The following SGCA variants were observed in gnomAD, a reference collection of about 807,000 sequenced individuals.
SGCA encodes the protein sarcoglycan alpha.
Under a neutral mutation model 38.1 loss-of-function variants are expected in SGCA, and 34 were observed. That is an observed-to-expected ratio of 0.89 (90% CI 0.68 to 1.19). SGCA has a LOEUF of 1.19. SGCA is among the 50% of genes most tolerant of loss of function. The pLI is 0.00. For synonymous variants in SGCA, 209 were observed against 214.6 expected (o/e 0.97, Z 0.23); for missense variants, 476 against 524.9 (o/e 0.91, Z 0.91).
At chr17:50,166,157 G>C (rs759446037) in intron 1 of SGCA, 80 bp downstream of exon 1, 9 of 1,213,216 alleles carry the variant, frequency 7.4e-6, no homozygotes, top group Non-Finnish European at 1.1e-5. Flanking sequence ...GGTGTGGAGG[G>C]CCCACAGAAG....
At chr17:50,166,539 C>T (rs1904816009) in intron 1 of SGCA, among the ~76,000 whole-genome samples, 1 of 151,938 alleles carries the variant, frequency 6.6e-6, no homozygotes, top group Non-Finnish European at 1.5e-5. Flanking sequence ...AGGTGGGGGT[C>T]TCCAGGCCCA....
In SGCA at chr17:50,167,857, A is replaced by G; in HGVS notation, c.313-90A>G. Reference sequence around the variant, plus strand: ...ATTTACATATAATTTACATACCTCTAATTTGGTATCTGAGTCCTCTCCTGC... The same window carrying G: ...ATTTACATATAATTTACATACCTCTGATTTGGTATCTGAGTCCTCTCCTGC... On this transcript the variant is annotated intron_variant, in intron 3 of 9. Coordinates refer to ENST00000262018, the MANE Select transcript of SGCA (RefSeq NM_000023.4). The surrounding 1 kb of genome is among the most constrained non-coding windows in gnomAD (Gnocchi z 4.5). The G allele has an allele frequency of 6.6e-7, 1 of 1,524,174 alleles. No individual in the cohort carries two copies. Among genetic ancestry groups the G allele is most frequent in the Non-Finnish European group, 9.1e-7 (1 of 1,098,322 alleles). 94.4% of individuals were successfully genotyped at this position (1,524,174 alleles called of 1,614,324 possible).
intron 5 of SGCA, 87 bp downstream of exon 5, chr17:50,168,659 T>G: frequency 7.9e-7 from 1 of 1,267,730 alleles, no homozygotes; most frequent in African/African-American, 1.5e-5. Context: ...AATTTCCAGG[T>G]GGGGCTTTAC....
chr17:50,172,933 T>C (rs903916676), intron 8 of SGCA, among the ~76,000 whole-genome samples: 2 of 152,268 alleles, frequency 1.3e-5, no homozygotes, highest in Non-Finnish European at 2.9e-5. Context: ...TGATTTTTCA[T>C]GTACATTTCA....
At position 50,169,252 on chromosome 17, in the gene SGCA, C is replaced by G; in HGVS notation, c.745C>G (p.Leu249Val). The G allele has an allele frequency of 6.2e-7, 1 of 1,611,872 alleles. No homozygotes were observed. Among genetic ancestry groups the G allele is most frequent in the South Asian group, 1.1e-5 (1 of 91,020 alleles). ...CCGCGTTGACTGGTGCAATGTGACC[C>G]TGGTGAGGAGGGACCCTGGGTCCGG... The part of the protein sequence containing the change: ...HFRVDWCNVT[L>V]VDKSVPEPAD... The change falls in exon 6 of 10, where the codon CTG becomes GTG. Residue 249 changes from leucine to valine, a missense_variant and splice_region_variant. Coordinates refer to ENST00000262018, the MANE Select transcript of SGCA (RefSeq NM_000023.4).
chr17:50,169,203 C>G lies in SGCA; in HGVS notation c.696C>G (p.Cys232Trp). ...CAQGQPPLLSCYDTLAPHFRV... is the reference protein window; with the variant it reads ...CAQGQPPLLSWYDTLAPHFRV... ...AGGGCCAGCCTCCACTTCTGTCTTG[C>G]TACGACACCTTGGCACCCCACTTCC... Residue 232 changes from cysteine to tryptophan, a missense_variant, in exon 6 of 10, where the codon TGC becomes TGG. Coordinates refer to ENST00000262018, the MANE Select transcript of SGCA (RefSeq NM_000023.4). 6.2e-7 allele frequency: 1 copy of G among 1,614,028 alleles called. No homozygotes were observed. Among genetic ancestry groups the G allele is most frequent in the South Asian group, 1.1e-5 (1 of 91,084 alleles).
chr17:50,175,346 C>A lies in SGCA; in HGVS notation c.1073C>A (p.Ser358Tyr). Residue 358 changes from serine to tyrosine, a missense_variant, in exon 9 of 10, where the codon TCC becomes TAC. Coordinates refer to ENST00000262018, the MANE Select transcript of SGCA (RefSeq NM_000023.4). ...AASREVPRPL[S>Y]TLPMFNVHTG... ...AGCCGCGAGGTGCCCCGGCCACTCT[C>A]CACCCTGCCCATGTTCAATGTGCAC... is the stretch of plus-strand genomic sequence containing the variant. 1 of 1,612,304 alleles carries A rather than the reference C, an allele frequency of 6.2e-7. No homozygotes were observed.
Position 50,166,056 on chromosome 17 carries a change from T to A in SGCA, c.16T>A (p.Phe6Ile). The A allele has an allele frequency of 1.2e-6, 2 of 1,613,802 alleles. No individual in the cohort carries two copies. The highest frequency in any genetic ancestry group is 1.7e-6 in the Non-Finnish European group (2 of 1,179,734). Residue 6 changes from phenylalanine to isoleucine, a missense_variant, in exon 1 of 10, where the codon TTC becomes ATC. Coordinates refer to ENST00000262018, the MANE Select transcript of SGCA (RefSeq NM_000023.4). ...CCGGGCAGCCATGGCTGAGACACTC[T>A]TCTGGACTCCTCTCCTCGTGGGCAA... MAETL[F>I]WTPLLVVLLA...
chr17:50,172,196 G>C (rs1172425795), intron 8 of SGCA: 1 of 457,122 alleles, frequency 2.2e-6, no homozygotes, highest in South Asian at 1.5e-5. Flanking sequence ...CCAGAAAGAG[G>C]ATCAAGGACG....
chr17:50,170,444 C>T, intron 7 of SGCA, 93 bp downstream of exon 7: 1 of 1,410,532 alleles, frequency 7.1e-7, no homozygotes, highest in Non-Finnish European at 9.9e-7. Context: ...ACCCAGACAC[C>T]ATGGGAATGG....
rs190506263 is a variant in SGCA at position 50,173,029 on chromosome 17, A to G, written c.984-2228A>G. Among the ~76,000 whole-genome samples, 3 of 152,294 alleles carry G rather than the reference A, an allele frequency of 2.0e-5. No individual in the cohort carries two copies. In the East Asian group the frequency reaches 5.8e-4, roughly 29 times the overall value. On this transcript the variant is annotated intron_variant, in intron 8 of 9. Transcript: ENST00000262018. ...CTGGCACTGGGGATATTCTCTTGTG[A>G]CCAGTATTTCCTCCACATCCAGCCT...
chr17:50,170,913 A>G (rs889731707), intron 8 of SGCA, among the ~76,000 whole-genome samples: 1 of 152,136 alleles, frequency 6.6e-6, no homozygotes, highest in African/African-American at 2.4e-5. Flanking sequence ...AAAATTTTTT[A>G]ACTAGCCAGG....
At chr17:50,168,330 G>A in intron 4 of SGCA, 44 bp from the exon 5 acceptor site, 1 of 1,520,692 alleles carries the variant, frequency 6.6e-7, no homozygotes, top group Non-Finnish European at 8.9e-7. Context: ...GCGGGGCAGA[G>A]CTGGGGCTGG....
In SGCA at chr17:50,168,384, G is replaced by GCCATA; in HGVS notation, c.400_404dup (p.Gln135HisfsTer78). The GCCATA allele has an allele frequency of 1.3e-6, 2 of 1,577,982 alleles. No individual in the cohort carries two copies. The highest frequency in any genetic ancestry group is 1.7e-6 in the Non-Finnish European group (2 of 1,162,312). Reference sequence around the variant, plus strand: ...ACCTGGCCTTCCCAGGCCCCCTGCTGCCATACCAAGCCGAGTTCCTGGTGC... The same window carrying GCCATA: ...ACCTGGCCTTCCCAGGCCCCCTGCTGCCATACCATACCAAGCCGAGTTCCTGGTGC... On this transcript the variant is annotated frameshift_variant, in exon 5 of 10. Transcript: ENST00000262018. LOFTEE classifies it high-confidence loss of function.
intron 6 of SGCA, 192 bp downstream of exon 6, chr17:50,169,446 C>CACACACACAT: frequency 1.7e-6 from 1 of 576,270 alleles, no homozygotes; most frequent in Non-Finnish European, 3.1e-6. Flanking sequence ...CACACACACA[C>CACACACACAT]CCCTGAAGTT....
chr17:50,173,633 C>T (rs1905662596), intron 8 of SGCA, among the ~76,000 whole-genome samples: 1 of 152,220 alleles, frequency 6.6e-6, no homozygotes, highest in South Asian at 2.1e-4. Flanking sequence ...CTTCCTCTGC[C>T]AGGGCCTCAC....
At chr17:50,169,904 T>C in intron 6 of SGCA, 1 of 604,132 alleles carries the variant, frequency 1.7e-6, no homozygotes, top group Non-Finnish European at 3.0e-6. Context: ...GTGCTACTAT[T>C]ATCCTTCTGA....
chr17:50,175,162 G>A, intron 8 of SGCA, 95 bp from the exon 9 acceptor site: 1 of 1,145,624 alleles, frequency 8.7e-7, no homozygotes, highest in Non-Finnish European at 1.3e-6. Flanking sequence ...CACATAAGTG[G>A]TGGGGAGGAC....
chr17:50,175,664 G>T, intron 9 of SGCA, 48 bp from the exon 10 acceptor site: 1 of 685,318 alleles, frequency 1.5e-6, no homozygotes, highest in Non-Finnish European at 2.7e-6. Context: ...GGGAAGTCAG[G>T]AGAACCAGCA....
Sources: gnomAD v4.1 joint callset for allele counts (sites outside exome capture counted in the v4.1 genomes callset) on GRCh38, gnomAD v4.1.1 for gene constraint, Gnocchi (gnomAD v3.1) non-coding constraint, MANE v1.5 for transcripts, NCBI Gene and HGNC (gene_info 2026-07-23, HGNC 2026-07-21) for gene names.